Variants in ARHGAP12 observed in about 807,000 individuals in gnomAD.
The protein encoded by ARHGAP12 is rho GTPase-activating protein 12.
ARHGAP12 carries 64 observed loss-of-function variants against 108.6 expected under a neutral mutation model. The observed-to-expected ratio is 0.59, with a 90% CI of 0.48 to 0.73. The LOEUF is 0.73. ARHGAP12 is among the 30% of genes least tolerant of loss of function. The pLI is 0.00. For synonymous variants in ARHGAP12, 312 were observed against 337.2 expected, an observed-to-expected ratio of 0.93 and a Z score of 0.82; for missense variants, 940 against 1,005.9, an observed-to-expected ratio of 0.93 and a Z score of 0.89.
intron 3 of ARHGAP12, among the ~76,000 whole-genome samples, chr10:31,878,078 TAAAAC>T (rs1564406380): frequency 6.6e-6 from 1 of 152,092 alleles, no homozygotes; most frequent in Non-Finnish European, 1.5e-5. Context: ...AAATAAAAAA[TAAAAC>T]ATTTTCCTGA....
chr10:31,822,893 T>A (rs766039303), intron 11 of ARHGAP12, among the ~76,000 whole-genome samples: 1 of 152,126 alleles, frequency 6.6e-6, no homozygotes, highest in Non-Finnish European at 1.5e-5. Flanking sequence ...GTGCCAGTCA[T>A]CTGCTAAACA....
At chr10:31,819,772 C>T (rs572851376) in intron 12 of ARHGAP12, among the ~76,000 whole-genome samples, 12 of 152,246 alleles carry the variant, frequency 7.9e-5, no homozygotes, top group African/African-American at 2.9e-4. Flanking sequence ...ACTGAAGCCT[C>T]ATGAATAGTC....
intron 3 of ARHGAP12, among the ~76,000 whole-genome samples, chr10:31,862,705 G>GACACACACAC (rs559731195): frequency 5.1e-4 from 68 of 133,186 alleles, no homozygotes; most frequent in East Asian, 1.6e-3. Flanking sequence ...TGCACACACA[G>GACACACACAC]ACACACACAC....
intron 3 of ARHGAP12, among the ~76,000 whole-genome samples, chr10:31,887,650 G>GTTT (rs1247511414): frequency 3.7e-5 from 5 of 135,622 alleles, no homozygotes; most frequent in African/African-American, 1.1e-4. Context: ...TGCCCTTCCT[G>GTTT]TTTTTTTTTT....
rs1834859482 is a variant in ARHGAP12, at chr10:31,807,525, C to T, written c.*133G>A. ...ACACACATCTCGACTCTCCCCTTCC[C>T]TTCTGATCCCTCAAAAAAAAAGTGC... is the stretch of plus-strand genomic sequence containing the variant. On this transcript the variant is annotated 3_prime_UTR_variant, in exon 20 of 20. Transcript: ENST00000344936. 1 of 781,044 alleles carries T rather than the reference C, an allele frequency of 1.3e-6. No homozygotes were observed. The highest frequency in any genetic ancestry group is 2.3e-5 in the South Asian group (1 of 42,754). The allele number at this position is 781,044 out of a possible 1,614,324, so 48.4% of individuals were successfully genotyped here. A position where few individuals can be genotyped will look rare whatever the true frequency, so the allele number is the denominator to read the frequency against.
chr10:31,869,576 T>TC (rs1837464410), intron 3 of ARHGAP12, among the ~76,000 whole-genome samples: 3 of 151,072 alleles, frequency 2.0e-5, no homozygotes, highest in Admixed American at 1.3e-4. Flanking sequence ...CACCACCCCC[T>TC]CCCCCCTAAA....
rs757924693 is a variant in ARHGAP12, at chr10:31,812,799, G to A, written c.1859C>T (p.Ser620Phe). The A allele has an allele frequency of 6.2e-7, 1 of 1,605,246 alleles. No individual in the cohort carries two copies. The highest frequency in any genetic ancestry group is 1.1e-5 in the South Asian group (1 of 90,618). Residue 620 changes from serine to phenylalanine, a missense_variant, in exon 15 of 20, where the codon TCT (serine) becomes TTT (phenylalanine). Ser to Phe is a radical substitution (Grantham distance 155). Transcript: ENST00000344936. ...TTTCTTGGTTTTTTTCTGTTCTGAA[G>A]AATCTATGCTAGATACTTTAAAGGC... ...LRSFKVSSID[S>F]SEQKKTKKNL...
At chr10:31,914,209 T>C (rs1169160074) in intron 1 of ARHGAP12, among the ~76,000 whole-genome samples, 2 of 152,234 alleles carry the variant, frequency 1.3e-5, no homozygotes, top group African/African-American at 2.4e-5. Context: ...TCGTTGCCTG[T>C]GTTTTAGAGG....
At position 31,908,816 on chromosome 10, in the gene ARHGAP12, G is replaced by C; in HGVS notation, c.40C>G (p.Gln14Glu). 6.2e-7 allele frequency: 1 copy of C among 1,602,932 alleles called. No individual in the cohort carries two copies. The highest frequency in any genetic ancestry group is 8.5e-7 in the Non-Finnish European group (1 of 1,178,398). ...TCATATTCCACCTCAATATACACTT[G>C]TCCTGGAATAATCTTCCCACTTCTG... ...ADRSGKIIPGQVYIEVEYDYE... is the reference protein window; with the variant it reads ...ADRSGKIIPGEVYIEVEYDYE... The change falls in exon 3 of 20, where the codon CAA (glutamine) becomes GAA (glutamate). Residue 14 changes from glutamine to glutamate, a missense_variant. Coordinates refer to ENST00000344936, the MANE Select transcript of ARHGAP12 (RefSeq NM_018287.7).
intron 3 of ARHGAP12, among the ~76,000 whole-genome samples, chr10:31,898,923 T>A (rs1838815712): frequency 6.6e-6 from 1 of 151,830 alleles, no homozygotes; most frequent in Non-Finnish European, 1.5e-5. Context: ...CCAAAAAAGG[T>A]GGCAACAATC....
At chr10:31,813,544 CA>C (rs1350670771) in intron 14 of ARHGAP12, among the ~76,000 whole-genome samples, 1 of 152,086 alleles carries the variant, frequency 6.6e-6, no homozygotes, top group Non-Finnish European at 1.5e-5. Context: ...TACCTGTTGA[CA>C]ATGTCAGTAA....
At chr10:31,822,651 C>T (rs377669707) in intron 11 of ARHGAP12, among the ~76,000 whole-genome samples, 1 of 152,134 alleles carries the variant, frequency 6.6e-6, no homozygotes, top group South Asian at 2.1e-4. Context: ...AGGCCCTTTA[C>T]GATCTTGATT....
intron 5 of ARHGAP12, 34 bp downstream of exon 5, chr10:31,854,032 C>T (rs1836794188): frequency 2.5e-6 from 4 of 1,575,074 alleles, no homozygotes; most frequent in Non-Finnish European, 3.4e-6. Flanking sequence ...GAGAATTCTG[C>T]CAAAAAACAC....
chr10:31,812,000 T>A (rs766537262), intron 15 of ARHGAP12, among the ~76,000 whole-genome samples: 1 of 152,218 alleles, frequency 6.6e-6, no homozygotes, highest in Non-Finnish European at 1.5e-5. Flanking sequence ...TTAATGCAGA[T>A]GCTTCACAAA....
At chr10:31,862,412 A>G (rs1458374751) in intron 3 of ARHGAP12, among the ~76,000 whole-genome samples, 2 of 152,186 alleles carry the variant, frequency 1.3e-5, no homozygotes, top group Non-Finnish European at 2.9e-5. Flanking sequence ...ACTAGATGTC[A>G]GTCAAGAGCA....
rs763583114 is a variant in ARHGAP12, at chr10:31,808,716, C to T, written c.2299G>A (p.Asp767Asn). The part of the protein sequence containing the change: ...EPRQRVAAVK[D>N]LIRQLPKPNQ... ...GGCTTTGGCAACTGTCTGATTAGGT[C>T]CTTAACAGCAGCGACTCGCTGTCTT... Residue 767 changes from aspartate to asparagine, a missense_variant, in exon 19 of 20, where the codon GAC (aspartate) becomes AAC (asparagine). By Grantham distance (23) the Asp-to-Asn change is conservative (BLOSUM62 1). Coordinates refer to ENST00000344936, the MANE Select transcript of ARHGAP12 (RefSeq NM_018287.7). The T allele has an allele frequency of 3.1e-6, 5 of 1,613,830 alleles. No individual in the cohort carries two copies. The Admixed American group carries it at 6.7e-5, about 22-fold the overall frequency.
rs150238240 is a variant in ARHGAP12, at chr10:31,824,492, A to T, written c.1530+1812T>A. On this transcript the variant is annotated intron_variant, in intron 11 of 19. Coordinates refer to ENST00000344936, the MANE Select transcript of ARHGAP12 (RefSeq NM_018287.7). ...TGCCACATGGTAACAAAGTAATACA[A>T]CCTTGGCTGATAAACAGAAATACCT... Among the ~76,000 whole-genome samples, 886 of 152,290 alleles carry T rather than the reference A, an allele frequency of 5.8e-3. 6 individuals are homozygous for T. Among genetic ancestry groups the T allele is most frequent in the Non-Finnish European group, 8.1e-3 (553 of 67,994 alleles).
At chr10:31,897,920 G>C (rs956749466) in intron 3 of ARHGAP12, among the ~76,000 whole-genome samples, 1 of 152,152 alleles carries the variant, frequency 6.6e-6, no homozygotes. Context: ...GCGCCCAGGA[G>C]TTTGAGGCCA....
intron 6 of ARHGAP12, among the ~76,000 whole-genome samples, chr10:31,851,433 C>T (rs899321042): frequency 6.6e-6 from 1 of 152,146 alleles, no homozygotes; most frequent in African/African-American, 2.4e-5. Flanking sequence ...ATCTCCTCAT[C>T]CCCCACACCC....
Sources: allele counts gnomAD v4.1 joint callset (sites outside exome capture counted in the v4.1 genomes callset), GRCh38; gene constraint gnomAD v4.1.1; transcripts MANE v1.5; gene names NCBI Gene and HGNC (gene_info 2026-07-23, HGNC 2026-07-21).